MARCHF1: variants seen among roughly 807,000 people sequenced by gnomAD.
MARCHF1 encodes the protein E3 ubiquitin-protein ligase MARCHF1.
In MARCHF1, 40 loss-of-function variants were observed where a neutral mutation model predicts 54.2. That is an observed-to-expected ratio of 0.74 (90% CI 0.57 to 0.96). The LOEUF (loss-of-function observed/expected upper bound fraction) is 0.96, where lower values mean the gene tolerates loss of function less well. Among genes scored for constraint, MARCHF1 ranks in the 40% least tolerant of loss-of-function variants. The probability of loss-of-function intolerance (pLI) is 0.00; values close to 1 mark genes in which losing one functional copy is unlikely to be tolerated. For synonymous variants in MARCHF1, 236 were observed against 236.3 expected (o/e 1.00, Z 0.01); for missense variants, 586 against 656.5 (o/e 0.89, Z 1.17).
intron 1 of MARCHF1, among the ~76,000 whole-genome samples, chr4:164,236,756 A>G (rs1371832167): frequency 1.3e-5 from 2 of 152,190 alleles, no homozygotes; most frequent in Non-Finnish European, 2.9e-5. Context: ...ACTGAGAATA[A>G]TGAAGACTGA....
At chr4:163,613,577 A>G in intron 5 of MARCHF1, 184 bp from the exon 6 acceptor site, 1 of 1,501,976 alleles carries the variant, frequency 6.7e-7, no homozygotes, top group Admixed American at 2.2e-5. Flanking sequence ...TTATTTGAGG[A>G]ACCTGGAACA....
chr4:163,802,480 A>T (rs1748108456), intron 4 of MARCHF1, among the ~76,000 whole-genome samples: 2 of 152,196 alleles, frequency 1.3e-5, no homozygotes, highest in African/African-American at 4.8e-5. Context: ...TTAGATTACT[A>T]TGGCTGTTTG....
chr4:163,542,985 T>C (rs1339472107), intron 9 of MARCHF1, among the ~76,000 whole-genome samples: 1 of 151,998 alleles, frequency 6.6e-6, no homozygotes, highest in African/African-American at 2.4e-5. Flanking sequence ...TGGAAGGAAA[T>C]GTTTTACAGA....
intron 9 of MARCHF1, among the ~76,000 whole-genome samples, chr4:163,539,627 C>G (rs1738661065): frequency 6.6e-6 from 1 of 152,162 alleles, no homozygotes. Flanking sequence ...AGCTTCTCTC[C>G]AGAATCACAG....
At chr4:163,890,125 A>C (rs1291277880) in intron 3 of MARCHF1, among the ~76,000 whole-genome samples, 1 of 148,730 alleles carries the variant, frequency 6.7e-6, no homozygotes, top group Non-Finnish European at 1.5e-5. Context: ...TAGTAGAGAC[A>C]GGGTTTCACC....
At chr4:164,024,750 A>T (rs974844062) in intron 2 of MARCHF1, among the ~76,000 whole-genome samples, 1 of 152,132 alleles carries the variant, frequency 6.6e-6, no homozygotes, top group African/African-American at 2.4e-5. Flanking sequence ...CCTAACCCTA[A>T]ATGTAAATGG....
chr4:163,798,474 T>C (rs1240920064), intron 4 of MARCHF1, among the ~76,000 whole-genome samples: 1 of 152,200 alleles, frequency 6.6e-6, no homozygotes, highest in Admixed American at 6.5e-5. Flanking sequence ...AATTTGATTC[T>C]CATTTTGAAG....
intron 1 of MARCHF1, among the ~76,000 whole-genome samples, chr4:164,177,649 T>A (rs945273096): frequency 1.3e-5 from 2 of 152,140 alleles, no homozygotes; most frequent in Non-Finnish European, 2.9e-5. Context: ...TTGATAGCAG[T>A]AAGTGACATA....
chr4:163,583,795 T>G (rs10025792), intron 8 of MARCHF1: 73,943 of 150,632 alleles, frequency 0.49, 18,274 homozygotes, highest in African/African-American at 0.55. Context: ...AACTACAGGT[T>G]TGTGCTACCA....
intron 4 of MARCHF1, among the ~76,000 whole-genome samples, chr4:163,814,032 A>G (rs1748467080): frequency 6.6e-6 from 1 of 152,160 alleles, no homozygotes; most frequent in Non-Finnish European, 1.5e-5. Flanking sequence ...TCTGGAATGT[A>G]TCTAGGTTTG....
At chr4:163,741,144 G>A (rs1386076056) in intron 4 of MARCHF1, among the ~76,000 whole-genome samples, 1 of 152,084 alleles carries the variant, frequency 6.6e-6, no homozygotes, top group Non-Finnish European at 1.5e-5. Context: ...ATGCAACCTT[G>A]GGTAAATAAT....
intron 1 of MARCHF1, among the ~76,000 whole-genome samples, chr4:164,297,270 T>C (rs1418382099): frequency 6.6e-6 from 1 of 152,120 alleles, no homozygotes; most frequent in East Asian, 1.9e-4. Flanking sequence ...TTTCAAAGAA[T>C]AGAGTATGAG....
chr4:163,644,701 C>A (rs993624071), intron 5 of MARCHF1, among the ~76,000 whole-genome samples: 11 of 152,176 alleles, frequency 7.2e-5, no homozygotes, highest in African/African-American at 2.7e-4. Flanking sequence ...CCCGAAAAAA[C>A]CAAGGAACTC....
chr4:164,171,851 T>C (rs1280189492), intron 1 of MARCHF1, among the ~76,000 whole-genome samples: 3 of 152,210 alleles, frequency 2.0e-5, no homozygotes, highest in Non-Finnish European at 4.4e-5. Flanking sequence ...AAGGAAACAA[T>C]AGTAATACAG....
chr4:163,576,303 G>A (rs1158916088), intron 8 of MARCHF1, among the ~76,000 whole-genome samples: 1 of 152,078 alleles, frequency 6.6e-6, no homozygotes, highest in African/African-American at 2.4e-5. Context: ...TTACTCAAAA[G>A]TCATTTAGGA....
intron 1 of MARCHF1, among the ~76,000 whole-genome samples, chr4:164,270,712 T>TG (rs1733724776): frequency 2.0e-5 from 3 of 152,176 alleles, no homozygotes; most frequent in Non-Finnish European, 4.4e-5. Flanking sequence ...TCAATATTCG[T>TG]GCATGCCTAA....
chr4:163,775,980 G>C (rs996080242), intron 4 of MARCHF1, among the ~76,000 whole-genome samples: 1 of 152,076 alleles, frequency 6.6e-6, no homozygotes, highest in African/African-American at 2.4e-5. Flanking sequence ...CTAAAAACTT[G>C]GTGGCAAGGG....
At chr4:163,647,559 A>C (rs973768976) in intron 5 of MARCHF1, among the ~76,000 whole-genome samples, 1 of 152,070 alleles carries the variant, frequency 6.6e-6, no homozygotes, top group African/African-American at 2.4e-5. Flanking sequence ...AATTGTATGC[A>C]GTATCTTTAC....
chr4:164,147,835 C>A (rs62350048), intron 1 of MARCHF1, among the ~76,000 whole-genome samples: 124,654 of 150,456 alleles, frequency 0.83, 51,897 homozygotes, highest in Non-Finnish European at 0.89. Flanking sequence ...TAAAAAAAGT[C>A]AATAAAAAAA....
Sources: allele counts gnomAD v4.1 joint callset (sites outside exome capture counted in the v4.1 genomes callset), GRCh38; gene constraint gnomAD v4.1.1; transcripts MANE v1.5; gene names NCBI Gene and HGNC (gene_info 2026-07-23, HGNC 2026-07-21).